NAPEPLD: variants seen among roughly 807,000 people sequenced by gnomAD.
NAPEPLD encodes the protein N-acyl phosphatidylethanolamine phospholipase D, also known as N-acyl-phosphatidylethanolamine-hydrolyzing phospholipase D.
NAPEPLD carries 23 observed loss-of-function variants against 38.1 expected under a neutral mutation model. That is an observed-to-expected ratio of 0.60 (90% CI 0.43 to 0.86). The LOEUF (loss-of-function observed/expected upper bound fraction) is 0.86, where lower values mean the gene tolerates loss of function less well. Ranked by LOEUF, NAPEPLD falls within the 40% of genes least tolerant of loss-of-function variation. The pLI, the probability that NAPEPLD is intolerant of heterozygous loss-of-function variation, is 0.00. For synonymous variants in NAPEPLD, 147 were observed against 162.0 expected (o/e 0.91, Z 0.71); for missense variants, 411 against 476.8 (o/e 0.86, Z 1.28).
chr7:103,101,365 C>G lies in NAPEPLD; in HGVS notation c.*2064G>C, dbSNP rs377378400. ...CATACACATTTCCCCTTGACTGATT[C>G]GCATCTTTGTAGATAAACACTAAAT... On this transcript the variant is annotated 3_prime_UTR_variant, in exon 5 of 5. Coordinates refer to ENST00000465647, the MANE Select transcript of NAPEPLD (RefSeq NM_001122838.3). 1 of 152,054 alleles carries G rather than the reference C, an allele frequency of 6.6e-6. No homozygotes were observed. The highest frequency in any genetic ancestry group is 1.5e-5 in the Non-Finnish European group (1 of 68,018). 9.4% of individuals were successfully genotyped at this position (152,054 alleles called of 1,614,324 possible). A position where few individuals can be genotyped will look rare whatever the true frequency, so the allele number is the denominator to read the frequency against.
chr7:103,128,146 T>C (rs1808209134), intron 2 of NAPEPLD: 2 of 278,434 alleles, frequency 7.2e-6, no homozygotes, highest in African/African-American at 4.4e-5. Flanking sequence ...TGCCATCATC[T>C]ACCTGGAAAA....
At chr7:103,111,237 T>C (rs1014415092) in intron 4 of NAPEPLD, among the ~76,000 whole-genome samples, 1 of 152,218 alleles carries the variant, frequency 6.6e-6, no homozygotes, top group South Asian at 2.1e-4. Flanking sequence ...ATTGACTTTC[T>C]TCACAGAACT....
At chr7:103,141,113 A>C (rs1260196844) in intron 1 of NAPEPLD, among the ~76,000 whole-genome samples, 1 of 152,074 alleles carries the variant, frequency 6.6e-6, no homozygotes, top group Non-Finnish European at 1.5e-5. Context: ...ACAGGTTTTC[A>C]AGAAAGATCT....
chr7:103,129,058 G>A (rs1291709571), intron 1 of NAPEPLD, among the ~76,000 whole-genome samples: 3 of 152,140 alleles, frequency 2.0e-5, no homozygotes, highest in Non-Finnish European at 4.4e-5. Flanking sequence ...CTCAGGTCGG[G>A]AGTTCGAGAC....
At position 103,128,536 on chromosome 7, in the gene NAPEPLD, G is replaced by A. The variant is rs1808289060; in HGVS notation, c.241C>T (p.Leu81Phe). Residue 81 changes from leucine (L) to phenylalanine (F), a missense_variant, in exon 2 of 5, where the codon CTC becomes TTC. By Grantham distance (22) the Leu-to-Phe change is conservative. Coordinates refer to ENST00000465647, the MANE Select transcript of NAPEPLD (RefSeq NM_001122838.3). ...TCTTTCTCCATTATCAGCCATCTGAGAACATTTGGAATAGAGGGGTTTTTC... is the reference window on the plus strand; with the variant it reads ...TCTTTCTCCATTATCAGCCATCTGAAAACATTTGGAATAGAGGGGTTTTTC... ...TWKNPSIPNVLRWLIMEKDHS... is the reference protein window; with the variant it reads ...TWKNPSIPNVFRWLIMEKDHS... The A allele has an allele frequency of 6.2e-7, 1 of 1,614,084 alleles. No homozygotes were observed. Among genetic ancestry groups the A allele is most frequent in the African/African-American group, 1.3e-5 (1 of 74,944 alleles).
rs1806226678 is a variant in NAPEPLD at position 103,119,637 on chromosome 7, A to G, written c.881T>C (p.Ile294Thr). The G allele has an allele frequency of 2.5e-6, 4 of 1,614,186 alleles. No individual in the cohort carries two copies. In the East Asian group the frequency reaches 6.7e-5, roughly 27 times the overall value. ...GTCAAAAGGTCCAAATCTTTTTCCT[A>G]TCTCTTCAAAAGCAGGGCAATAACC... ...DTGYCPAFEE[I>T]GKRFGPFDLA... The change falls in exon 3 of 5, where the codon ATA (isoleucine) becomes ACA (threonine). Residue 294 changes from isoleucine to threonine, a missense_variant. Coordinates refer to ENST00000465647, the MANE Select transcript of NAPEPLD (RefSeq NM_001122838.3).
intron 4 of NAPEPLD, among the ~76,000 whole-genome samples, chr7:103,107,128 C>T (rs1585822345): frequency 2.0e-5 from 3 of 152,232 alleles, no homozygotes; most frequent in Admixed American, 2.0e-4. Context: ...GAGTGGACCT[C>T]CAGCAAACTC....
upstream of NAPEPLD, chr7:103,149,556 C>T (rs1187405741): frequency 3.4e-6 from 4 of 1,175,280 alleles, no homozygotes; most frequent in Non-Finnish European, 4.4e-6. Flanking sequence ...GCGGTGGCCT[C>T]CTTCAGGCTG....
Position 103,102,975 on chromosome 7 carries a change from A to C in NAPEPLD, c.*454T>G, listed in dbSNP as rs1802611824. 6.5e-6 allele frequency: 1 copy of C among 152,680 alleles called. No individual in the cohort carries two copies. The highest frequency in any genetic ancestry group is 2.4e-5 in the African/African-American group (1 of 41,460). 9.5% of individuals were successfully genotyped at this position (152,680 alleles called of 1,614,324 possible). ...TGGACTGAATTTCATCATTTATTAG[A>C]ATGTGCATATAAGAAAGATACTTGT... On this transcript the variant is annotated 3_prime_UTR_variant, in exon 5 of 5. Transcript: ENST00000465647.
At chr7:103,148,417 C>A (rs1585916475) in intron 1 of NAPEPLD, among the ~76,000 whole-genome samples, 1 of 149,842 alleles carries the variant, frequency 6.7e-6, no homozygotes, top group East Asian at 1.9e-4. Context: ...GATCCCGGAA[C>A]CCATGGAAGA....
chr7:103,122,996 A>G lies in NAPEPLD; in HGVS notation c.295-2773T>C, dbSNP rs147998316. On this transcript the variant is annotated intron_variant, in intron 2 of 4. Coordinates refer to ENST00000465647, the MANE Select transcript of NAPEPLD (RefSeq NM_001122838.3). ...AGTGAGCTGCCCAGGGACTGCCCCA[A>G]TTCTCTCGGGCGTTTCATGCTCCTC... Among the ~76,000 whole-genome samples the G allele has an allele frequency of 3.0e-4, 45 of 152,150 alleles. No homozygotes were observed. In the East Asian group the frequency reaches 8.1e-3, roughly 27 times the overall value.
chr7:103,148,511 T>C (rs749812831), intron 1 of NAPEPLD, among the ~76,000 whole-genome samples: 1 of 145,980 alleles, frequency 6.9e-6, no homozygotes, highest in Non-Finnish European at 1.5e-5. Context: ...AAAACCTATC[T>C]GAATACGTGT....
chr7:103,119,863 T>C lies in NAPEPLD; in HGVS notation c.655A>G (p.Met219Val), dbSNP rs1385278851. 6.2e-7 allele frequency: 1 copy of C among 1,614,160 alleles called. No homozygotes were observed. The highest frequency in any genetic ancestry group is 1.1e-5 in the South Asian group (1 of 91,082). Residue 219 changes from methionine (M) to valine (V), a missense_variant, in exon 3 of 5, where the codon ATG becomes GTG. Transcript: ENST00000465647. ...WFVPLGLLDW[M>V]QKCGCENVIE... The stretch of plus-strand genomic sequence containing the variant: ...ACATTCTCACAGCCACATTTTTGCA[T>C]CCAGTCAAGGAGACCCAAAGGCACA...
chr7:103,134,080 A>G (rs1809535333), intron 1 of NAPEPLD, among the ~76,000 whole-genome samples: 1 of 152,256 alleles, frequency 6.6e-6, no homozygotes, highest in East Asian at 1.9e-4. Context: ...ATATAGTGAT[A>G]TCAGTGGTGT....
rs900546602 is a variant in NAPEPLD at position 103,101,314 on chromosome 7, C to T, written c.*2115G>A. On this transcript the variant is annotated 3_prime_UTR_variant, in exon 5 of 5. Transcript: ENST00000465647. ...TTAGTACCCCAAAATCACATATGTT[C>T]GCATACATCATATACACACACATTG... 6.6e-6 allele frequency: 1 copy of T among 152,052 alleles called. No homozygotes were observed. The highest frequency in any genetic ancestry group is 2.4e-5 in the African/African-American group (1 of 41,394). The allele number at this position is 152,052 out of a possible 1,614,324, so 9.4% of individuals were successfully genotyped here.
chr7:103,149,703 G>A, upstream of NAPEPLD: 1 of 251,930 alleles, frequency 4.0e-6, no homozygotes, highest in South Asian at 3.1e-5. Context: ...ACCCTCCTAA[G>A]ATCAAATTGG....
At chr7:103,120,701 C>CTTTTTTTTTTTTTTTTTTTTTT (rs869141133) in intron 2 of NAPEPLD, among the ~76,000 whole-genome samples, 1 of 82,504 alleles carries the variant, frequency 1.2e-5, no homozygotes, top group Non-Finnish European at 2.1e-5. Flanking sequence ...TGATATTTTT[C>CTTTTTTTTTTTTTTTTTTTTTT]TTTTTTTTTT....
rs1426133557 is a variant in NAPEPLD, at chr7:103,128,743, T to A, written c.34A>T (p.Thr12Ser). ...DENESNQSLM[T>S]SSQYPKEAVR... ...GCTTCTTTAGGATATTGGCTGCTTG[T>A]CATCAGAGACTGGTTGCTTTCATTT... Residue 12 changes from threonine (T) to serine (S), a missense_variant, in exon 2 of 5, where the codon ACA (threonine) becomes TCA (serine). Transcript: ENST00000465647. 2 of 1,613,648 alleles carry A rather than the reference T, an allele frequency of 1.2e-6. No individual in the cohort carries two copies. Among genetic ancestry groups the A allele is most frequent in the East Asian group, 2.2e-5 (1 of 44,872 alleles).
chr7:103,141,662 A>T, intron 1 of NAPEPLD: 1 of 913,066 alleles, frequency 1.1e-6, no homozygotes, highest in Non-Finnish European at 1.9e-6. Context: ...CATCCACGTG[A>T]CCTTCTCTGG....
Sources: gnomAD v4.1 joint callset for allele counts (sites outside exome capture counted in the v4.1 genomes callset) on GRCh38, gnomAD v4.1.1 for gene constraint, MANE v1.5 for transcripts, NCBI Gene and HGNC (gene_info 2026-07-23, HGNC 2026-07-21) for gene names.